Variants in APOO observed in about 807,000 individuals in gnomAD.
APOO encodes MICOS complex subunit MIC26.
A neutral mutation model predicts 23.1 loss-of-function variants in APOO; 11 were observed. The ratio of observed to expected loss-of-function variants is 0.48; its 90% CI spans 0.30 to 0.79. The LOEUF (loss-of-function observed/expected upper bound fraction) is 0.79. APOO is among the 30% of genes least tolerant of loss of function. The pLI, the probability that APOO is intolerant of heterozygous loss-of-function variation, is 0.07. For missense variants in APOO, 160 were observed against 142.7 expected (o/e 1.12, Z -0.62); for synonymous variants, 59 against 54.8 (o/e 1.08, Z -0.34).
intron 7 of APOO, chrX:23,840,765 T>C (rs1172985213): frequency 8.5e-6 from 1 of 117,207 alleles, no homozygotes; most frequent in Non-Finnish European, 1.7e-5. Flanking sequence ...ATCTTCCTTT[T>C]ATTTCCTGAA....
intron 7 of APOO, among the ~76,000 whole-genome samples, chrX:23,842,946 T>C (rs987161272): frequency 8.9e-6 from 1 of 111,936 alleles, no homozygotes; most frequent in Non-Finnish European, 1.9e-5. Flanking sequence ...AGGCGGAGGT[T>C]GCAGTGAGCC....
In APOO at chrX:23,878,903, GA is replaced by G; in HGVS notation, c.237+11del. On this transcript the variant is annotated intron_variant, in intron 3 of 8. Transcript: ENST00000379226. ...CAGAAATGCGTTCACTCCATTTTCA[GA>G]ACAGTTGTACCTGACACCAGGTTGT... The G allele has an allele frequency of 8.3e-7, 1 of 1,207,017 alleles. No homozygotes were observed. Among genetic ancestry groups the G allele is most frequent in the African/African-American group, 1.7e-5 (1 of 57,526 alleles).
chrX:23,869,197 C>T (rs1335149191), intron 4 of APOO, among the ~76,000 whole-genome samples: 1 of 110,679 alleles, frequency 9.0e-6, no homozygotes, highest in Non-Finnish European at 1.9e-5. Context: ...GTGTGAGCCA[C>T]TGCGCCCGGC....
At chrX:23,861,189 G>A (rs1270249899) in intron 5 of APOO, among the ~76,000 whole-genome samples, 1 of 110,964 alleles carries the variant, frequency 9.0e-6, no homozygotes, top group Admixed American at 9.7e-5. Context: ...GTGGGGCCTG[G>A]TGGGACGTGA....
chrX:23,849,660 G>A (rs1484296245), intron 7 of APOO, among the ~76,000 whole-genome samples: 1 of 102,050 alleles, frequency 9.8e-6, no homozygotes, highest in Admixed American at 1.1e-4. Context: ...GGGAGGCCGA[G>A]GCAGGTGGAC....
chrX:23,843,292 A>G (rs1924078895), intron 7 of APOO, among the ~76,000 whole-genome samples: 1 of 111,354 alleles, frequency 9.0e-6, no homozygotes, highest in African/African-American at 3.3e-5. Flanking sequence ...CATATCACTT[A>G]TAGTATAACA....
chrX:23,891,742 T>C (rs986770902), intron 1 of APOO, among the ~76,000 whole-genome samples: 2 of 110,647 alleles, frequency 1.8e-5, no homozygotes, highest in African/African-American at 6.6e-5. Flanking sequence ...CTATTTTCCA[T>C]GTAAATAATT....
chrX:23,848,540 AAG>A (rs1243105165), intron 7 of APOO, among the ~76,000 whole-genome samples: 1 of 112,149 alleles, frequency 8.9e-6, no homozygotes, highest in Non-Finnish European at 1.9e-5. Flanking sequence ...CTGGATAAAT[AAG>A]AGAAAAAAAT....
At chrX:23,892,347 C>T (rs1465517488) in intron 1 of APOO, among the ~76,000 whole-genome samples, 11 of 108,440 alleles carry the variant, frequency 1.0e-4, no homozygotes, top group African/African-American at 3.0e-4. Flanking sequence ...CGCCGTCTCT[C>T]GGATTCAAGC....
intron 1 of APOO, among the ~76,000 whole-genome samples, chrX:23,900,143 AG>A (rs1569246341): frequency 1.8e-5 from 2 of 112,611 alleles, no homozygotes; most frequent in Non-Finnish European, 3.7e-5. Context: ...AAATAACCCA[AG>A]TTAATTCACG....
chrX:23,878,774 C>G (rs1444011198), intron 3 of APOO, 141 bp downstream of exon 3: 96 of 745,210 alleles, frequency 1.3e-4, no homozygotes, highest in Non-Finnish European at 1.7e-4. Flanking sequence ...TTCCCCCAGA[C>G]CCCCACTACC....
intron 7 of APOO, among the ~76,000 whole-genome samples, chrX:23,847,738 T>A: frequency 9.3e-6 from 1 of 107,710 alleles, no homozygotes; most frequent in Non-Finnish European, 1.9e-5. Flanking sequence ...ACTCAAGTGA[T>A]CCTCCTGTCT....
At chrX:23,863,905 G>C (rs938315583) in intron 5 of APOO, among the ~76,000 whole-genome samples, 5 of 110,743 alleles carry the variant, frequency 4.5e-5, no homozygotes, top group Non-Finnish European at 9.4e-5. Flanking sequence ...GATGAAACTA[G>C]AGAATACACA....
At chrX:23,856,553 GA>G (rs923313543) in intron 6 of APOO, among the ~76,000 whole-genome samples, 171 bp from the exon 7 acceptor site, 1 of 110,175 alleles carries the variant, frequency 9.1e-6, no homozygotes, top group African/African-American at 3.3e-5. Context: ...ATCAATGGTA[GA>G]TTTTTTTTTT....
chrX:23,870,594 T>C (rs951651521), intron 4 of APOO, among the ~76,000 whole-genome samples: 11 of 103,117 alleles, frequency 1.1e-4, no homozygotes, highest in African/African-American at 4.0e-4. Context: ...AAGAACAGCC[T>C]GGGCAACATG....
At chrX:23,875,576 C>T (rs1054994282) in intron 3 of APOO, among the ~76,000 whole-genome samples, 2 of 106,872 alleles carry the variant, frequency 1.9e-5, no homozygotes, top group East Asian at 3.1e-4. Context: ...CCCGCCACCA[C>T]GCCCAACTAA....
Position 23,907,792 on chromosome X carries a change from G to T in APOO, c.-90C>A, listed in dbSNP as rs1230615209. On this transcript the variant is annotated 5_prime_UTR_variant, in exon 1 of 9. Coordinates refer to ENST00000379226, the MANE Select transcript of APOO (RefSeq NM_024122.5). ...GACTACGGAGGCCCGGTAGGGCCTTGATTTCTCCAACCGCAAGCAGGCAGC... is the reference window on the plus strand; with the variant it reads ...GACTACGGAGGCCCGGTAGGGCCTTTATTTCTCCAACCGCAAGCAGGCAGC... 3 of 1,020,289 alleles carry T rather than the reference G, an allele frequency of 2.9e-6. No individual in the cohort carries two copies. Among genetic ancestry groups the T allele is most frequent in the African/African-American group, 3.8e-5 (2 of 51,970 alleles). 84.1% of individuals were successfully genotyped at this position (1,020,289 alleles called of 1,213,427 possible).
At chrX:23,902,263 T>C (rs1927159826) in intron 1 of APOO, among the ~76,000 whole-genome samples, 1 of 111,965 alleles carries the variant, frequency 8.9e-6, no homozygotes, top group Non-Finnish European at 1.9e-5. Context: ...TGTGAGCTTC[T>C]GAAATGAAAG....
intron 1 of APOO, among the ~76,000 whole-genome samples, chrX:23,889,096 C>T (rs755096155): frequency 6.7e-4 from 74 of 109,694 alleles, no homozygotes; most frequent in Non-Finnish European, 1.3e-3. Flanking sequence ...GAGCTATAAT[C>T]GCGTCACTGC....
Sources: allele counts gnomAD v4.1 joint callset (sites outside exome capture counted in the v4.1 genomes callset), GRCh38; gene constraint gnomAD v4.1.1; transcripts MANE v1.5; gene names NCBI Gene and HGNC (gene_info 2026-07-23, HGNC 2026-07-21).